SNRNP70: variants seen among roughly 807,000 people sequenced by gnomAD.
The protein encoded by SNRNP70 is small nuclear ribonucleoprotein U1 subunit 70, also known as U1 small nuclear ribonucleoprotein 70 kDa.
A neutral mutation model predicts 50.5 loss-of-function variants in SNRNP70; 8 were observed. The observed-to-expected ratio is 0.16, with a 90% CI of 0.09 to 0.29. The LOEUF is 0.29. SNRNP70 is among the 10% of genes least tolerant of loss of function. The pLI, the probability that SNRNP70 is intolerant of heterozygous loss-of-function variation, is 1.00. For synonymous variants in SNRNP70, 320 were observed against 252.9 expected (o/e 1.27, Z -2.52); for missense variants, 529 against 663.5 (o/e 0.80, Z 2.23).
At chr19:49,087,804 C>T (rs2040400268) in intron 2 of SNRNP70, 1 of 152,216 alleles carries the variant, frequency 6.6e-6, no homozygotes, top group South Asian at 2.1e-4. Flanking sequence ...ATTTGCCACC[C>T]TTGGTGAACC....
intron 8 of SNRNP70, among the ~76,000 whole-genome samples, chr19:49,105,903 T>C (rs1213800152): frequency 6.6e-6 from 1 of 152,000 alleles, no homozygotes; most frequent in Non-Finnish European, 1.5e-5. Context: ...CCTGGATGAG[T>C]CTCTTGTTTC....
At chr19:49,096,035 C>T (rs1035442966) in intron 4 of SNRNP70, among the ~76,000 whole-genome samples, 5 of 144,988 alleles carry the variant, frequency 3.4e-5, no homozygotes, top group South Asian at 2.1e-4. Flanking sequence ...AAAATTACAA[C>T]GCTCAGGGAT....
Position 49,090,471 on chromosome 19 carries a change from G to C in SNRNP70, c.216G>C (p.Arg72=). 1 of 1,614,060 alleles carries C rather than the reference G, an allele frequency of 6.2e-7. No homozygotes were observed. Among genetic ancestry groups the C allele is most frequent in the Non-Finnish European group, 8.5e-7 (1 of 1,179,998 alleles). The part of the protein sequence containing the change: ...TREERMERKR[R]EKIERRQQEV... ...CCTCCCCTTTCTCCTGACAGAGACGGGAAAAGATTGAGCGGCGACAGCAAG... is the reference window on the plus strand; with the variant it reads ...CCTCCCCTTTCTCCTGACAGAGACGCGAAAAGATTGAGCGGCGACAGCAAG... Residue 72 remains arginine (R), a synonymous_variant, in exon 4 of 10, where the codon CGG becomes CGC. Transcript: ENST00000598441.
chr19:49,108,339 G>A lies in SNRNP70; in HGVS notation c.1210G>A (p.Glu404Lys). The A allele has an allele frequency of 6.2e-7, 1 of 1,605,402 alleles. No individual in the cohort carries two copies. The highest frequency in any genetic ancestry group is 2.3e-5 in the East Asian group (1 of 44,384). ...GGGCGGTGGCCAGGACAACGGGCTG[G>A]AGGGTCTGGGCAACGACAGCCGAGA... is the stretch of plus-strand genomic sequence containing the variant. ...GGGGGQDNGL[E>K]GLGNDSRDMY... Residue 404 changes from glutamate (E) to lysine (K), a missense_variant, in exon 10 of 10, where the codon GAG becomes AAG. Coordinates refer to ENST00000598441, the MANE Select transcript of SNRNP70 (RefSeq NM_003089.6).
chr19:49,099,185 A>G (rs967459796), intron 6 of SNRNP70, among the ~76,000 whole-genome samples: 1 of 152,220 alleles, frequency 6.6e-6, no homozygotes, highest in African/African-American at 2.4e-5. Flanking sequence ...TGGGAGACGC[A>G]TGCCTTCACT....
In SNRNP70 at chr19:49,099,968, A is replaced by G. The variant is rs562670528; in HGVS notation, c.393+1264A>G. ...TATATATGTGTACACACACACACACACGTTGTTCTGCCTTGCACAGCCCAG... is the reference window on the plus strand; with the variant it reads ...TATATATGTGTACACACACACACACGCGTTGTTCTGCCTTGCACAGCCCAG... On this transcript the variant is annotated intron_variant, in intron 6 of 9. Coordinates refer to ENST00000598441, the MANE Select transcript of SNRNP70 (RefSeq NM_003089.6). 2.8e-3 allele frequency among the ~76,000 whole-genome samples: 422 copies of G among 152,180 alleles called. 3 individuals carry two copies. The highest frequency in any genetic ancestry group is 9.7e-3 in the African/African-American group (402 of 41,506).
chr19:49,090,298 G>A lies in SNRNP70; in HGVS notation c.155G>A (p.Arg52Gln). Reference sequence around the variant, plus strand: ...CTCTCTTCTTGTTCCCAGGACCCTCGAGATGCCCCTCCTCCAACTCGTGCT... The same window carrying A: ...CTCTCTTCTTGTTCCCAGGACCCTCAAGATGCCCCTCCTCCAACTCGTGCT... ...APYIREFEDP[R>Q]DAPPPTRAET... The change falls in exon 3 of 10, where the codon CGA becomes CAA. Residue 52 changes from arginine (R) to glutamine (Q), a missense_variant. Around this residue, in one of 4 missense-constraint regions of SNRNP70, gnomAD observed 149 missense variants for 259.7 expected, o/e 0.57. Transcript: ENST00000598441. The A allele has an allele frequency of 3.1e-6, 5 of 1,613,742 alleles. No homozygotes were observed. The highest frequency in any genetic ancestry group is 4.2e-6 in the Non-Finnish European group (5 of 1,179,942).
intron 7 of SNRNP70, 75 bp downstream of exon 7, chr19:49,101,546 C>T: frequency 1.0e-6 from 1 of 979,532 alleles, no homozygotes; most frequent in Non-Finnish European, 1.6e-6. Flanking sequence ...CCCAGTCTGT[C>T]CCCTCCCCCA....
intron 6 of SNRNP70, 56 bp from the exon 7 acceptor site, chr19:49,101,334 G>T: frequency 1.5e-6 from 2 of 1,337,046 alleles, no homozygotes; most frequent in Non-Finnish European, 2.2e-6. Flanking sequence ...TTGTGGGGTT[G>T]GTGGGGCGGA....
chr19:49,108,268 G>T lies in SNRNP70; in HGVS notation c.1139G>T (p.Arg380Leu), dbSNP rs772292944. 9.0e-6 allele frequency: 14 copies of T among 1,555,036 alleles called. No homozygotes were observed. Among genetic ancestry groups the T allele is most frequent in the Non-Finnish European group, 1.2e-5 (14 of 1,150,284 alleles). The change falls in exon 10 of 10, where the codon CGG becomes CTG. Residue 380 changes from arginine to leucine, a missense_variant. Physicochemically the swap from Arg to Leu is moderately radical, Grantham distance 102. Around this residue, in one of 4 missense-constraint regions of SNRNP70, gnomAD observed 327 missense variants for 308.8 expected, o/e 1.06. Coordinates refer to ENST00000598441, the MANE Select transcript of SNRNP70 (RefSeq NM_003089.6). ...CGTGACCGTGACCGCGAGCACAAAC[G>T]GGGGGAGCGGGGCAGTGAGCGGGGC... is the stretch of plus-strand genomic sequence containing the variant. ...RDRDRDREHK[R>L]GERGSERGRD... is the part of the protein sequence containing the mutation.
rs2040382150 is a variant in SNRNP70, at chr19:49,086,535, A to G, written c.121A>G (p.Ile41Val). The G allele has an allele frequency of 6.2e-7, 1 of 1,613,992 alleles. No individual in the cohort carries two copies. Among genetic ancestry groups the G allele is most frequent in the Non-Finnish European group, 8.5e-7 (1 of 1,179,960 alleles). Reference sequence around the variant, plus strand: ...ACACCACAATCAACCTTATTGTGGCATTGCGCCGTACATTCGAGAGTTTGA... The same window carrying G: ...ACACCACAATCAACCTTATTGTGGCGTTGCGCCGTACATTCGAGAGTTTGA... ...EKHHNQPYCGIAPYIREFEDP... is the reference protein window; with the variant it reads ...EKHHNQPYCGVAPYIREFEDP... The change falls in exon 2 of 10, where the codon ATT (isoleucine) becomes GTT (valine). Residue 41 changes from isoleucine to valine, a missense_variant. Transcript: ENST00000598441.
Position 49,107,820 on chromosome 19 carries a change from A to AGGGACC in SNRNP70, c.705_710dup (p.Asp236_Arg237dup), listed in dbSNP as rs769210698. On this transcript the variant is annotated inframe_insertion, in exon 10 of 10. Coordinates refer to ENST00000598441, the MANE Select transcript of SNRNP70 (RefSeq NM_003089.6). The surrounding 1 kb of genome is among the most constrained non-coding windows in gnomAD (Gnocchi z 6.0). Reference sequence around the variant, plus strand: ...GCCCGGCCCCTCCCCGCTTCCGCACAGGGACCGGGACCGGGACCGTGAGCG... The same window carrying AGGGACC: ...GCCCGGCCCCTCCCCGCTTCCGCACAGGGACCGGGACCGGGACCGGGACCGTGAGCG... 3.0e-4 allele frequency: 486 copies of AGGGACC among 1,595,614 alleles called. 2 individuals carry two copies. In the Admixed American group the frequency reaches 4.7e-3, roughly 16 times the overall value.
At chr19:49,087,215 A>G (rs1010503331) in intron 2 of SNRNP70, among the ~76,000 whole-genome samples, 2 of 150,440 alleles carry the variant, frequency 1.3e-5, no homozygotes, top group Admixed American at 6.6e-5. Context: ...TTGATAGTAC[A>G]CCTTTTGTAG....
chr19:49,094,964 G>A (rs1389738053), intron 4 of SNRNP70, among the ~76,000 whole-genome samples: 6 of 152,234 alleles, frequency 3.9e-5, no homozygotes, highest in Non-Finnish European at 8.8e-5. Context: ...TCTGCTCTGG[G>A]CTGCTACTTA....
In SNRNP70 at chr19:49,104,479, G is replaced by T. The variant is rs1448818860; in HGVS notation, c.476-155G>T. ...AGGCCCTTCACCGGTTTGGGAGAGG[G>T]TTGGTCTGGCTGTCAGTTGCCTGGC... is the stretch of plus-strand genomic sequence containing the variant. On this transcript the variant is annotated intron_variant, in intron 7 of 9. Transcript: ENST00000598441. This position sits in a 1 kb window ranked among gnomAD's most constrained non-coding sequence, Gnocchi z 5.4. The T allele has an allele frequency of 3.1e-6, 2 of 648,154 alleles. No homozygotes were observed. Among genetic ancestry groups the T allele is most frequent in the Non-Finnish European group, 5.6e-6 (2 of 356,798 alleles). The allele number at this position is 648,154 out of a possible 1,614,324, so 40.2% of individuals were successfully genotyped here. A position where few individuals can be genotyped will look rare whatever the true frequency, so the allele number is the denominator to read the frequency against.
intron 8 of SNRNP70, among the ~76,000 whole-genome samples, chr19:49,105,069 C>T (rs977543292): frequency 2.0e-5 from 3 of 152,108 alleles, no homozygotes; most frequent in Non-Finnish European, 2.9e-5. Context: ...GTGTACTGGG[C>T]GCCCAGCTTG....
rs373642510 is a variant in SNRNP70, at chr19:49,098,525, C to T, written c.330+34C>T. 5.7e-5 allele frequency: 91 copies of T among 1,601,396 alleles called. No individual in the cohort carries two copies. In the African/African-American group the frequency reaches 6.0e-4, roughly 11 times the overall value. On this transcript the variant is annotated intron_variant, in intron 5 of 9. Transcript: ENST00000598441. ...CCAGCTCCTAGCTCCTGGAACCCCA[C>T]GCTGCTGAGAGCCTGGGTCTGGCAC...
Position 49,086,555 on chromosome 19 carries a change from G to A in SNRNP70, c.141G>A (p.Glu47=). ...GTGGCATTGCGCCGTACATTCGAGA[G>A]TTTGAGGTGAGTTCACTGAGCAGGC... ...PYCGIAPYIR[E]FEDPRDAPPP... The change falls in exon 2 of 10, where the codon GAG becomes GAA. Residue 47 remains glutamate, a synonymous_variant. Coordinates refer to ENST00000598441, the MANE Select transcript of SNRNP70 (RefSeq NM_003089.6). 6.2e-7 allele frequency: 1 copy of A among 1,613,896 alleles called. No individual in the cohort carries two copies. The highest frequency in any genetic ancestry group is 1.1e-5 in the South Asian group (1 of 91,044).
intron 8 of SNRNP70, among the ~76,000 whole-genome samples, chr19:49,106,421 TTTC>T: frequency 6.6e-6 from 1 of 152,212 alleles, no homozygotes; most frequent in East Asian, 1.9e-4. Context: ...TGCTGTTTTG[TTTC>T]TTAAGATGTT....
Sources: gnomAD v4.1 joint callset for allele counts (sites outside exome capture counted in the v4.1 genomes callset) on GRCh38, gnomAD v4.1.1 for gene constraint, gnomAD v4.1.1 regional missense constraint, Gnocchi (gnomAD v3.1) non-coding constraint, MANE v1.5 for transcripts, NCBI Gene and HGNC (gene_info 2026-07-23, HGNC 2026-07-21) for gene names.